Variants in ADGRB1 observed in about 807,000 individuals in gnomAD.
ADGRB1 encodes the protein adhesion G protein-coupled receptor B1.
ADGRB1 carries 36 observed loss-of-function variants against 175.7 expected under a neutral mutation model. The ratio of observed to expected loss-of-function variants is 0.20; its 90% CI spans 0.16 to 0.27. ADGRB1 has a LOEUF of 0.27. ADGRB1 is among the 10% of genes least tolerant of loss of function. ADGRB1 has a pLI of 1.00. For missense variants in ADGRB1, 1,731 were observed against 2,255.3 expected, an observed-to-expected ratio of 0.77 and a Z score of 4.71; for synonymous variants, 1,054 against 979.4, an observed-to-expected ratio of 1.08 and a Z score of -1.42.
chr8:142,460,804 C>A (rs971563335), intron 1 of ADGRB1, among the ~76,000 whole-genome samples: 4 of 152,180 alleles, frequency 2.6e-5, no homozygotes, highest in African/African-American at 9.6e-5. Context: ...GGGCCTCCCC[C>A]TTCCACCTCC....
Position 142,489,093 on chromosome 8 carries a change from C to T in ADGRB1, c.2511C>T (p.Ser837=), listed in dbSNP as rs1162928809. ...CCGTGCTCTACAGGAACCTGGGCAG[C>T]TTCCTGGCCCTGCAGAGGTGGGGAG... ...VGTVLYRNLG[S]FLALQRNTTV... is the part of the protein sequence containing the mutation. Residue 837 remains serine (S), a synonymous_variant, in exon 15 of 31, where the codon AGC becomes AGT. Transcript: ENST00000517894. The T allele has an allele frequency of 6.2e-7, 1 of 1,608,754 alleles. No individual in the cohort carries two copies.
intron 20 of ADGRB1, 54 bp from the exon 21 acceptor site, chr8:142,521,911 G>A: frequency 6.5e-7 from 1 of 1,536,478 alleles, no homozygotes; most frequent in Non-Finnish European, 8.7e-7. Context: ...AGTGGGGACA[G>A]GTGTGGGGCC....
In ADGRB1 at chr8:142,543,903, G is replaced by T. The variant is rs985026163; in HGVS notation, c.4557+195G>T. 6.6e-6 allele frequency among the ~76,000 whole-genome samples: 1 copy of T among 152,154 alleles called. No individual in the cohort carries two copies. Among genetic ancestry groups the T allele is most frequent in the African/African-American group, 2.4e-5 (1 of 41,436 alleles). On this transcript the variant is annotated intron_variant, in intron 30 of 30. Transcript: ENST00000517894. This position sits in a 1 kb window ranked among gnomAD's most constrained non-coding sequence, Gnocchi z 4.4. ...ACTCTGGAGGCCATGGCCATACTGG[G>T]AGCTGAGCGGTCACGAGCCTGCTCC...
At chr8:142,526,518 C>CAT in intron 23 of ADGRB1, 24 bp from the exon 24 acceptor site, 1 of 1,492,520 alleles carries the variant, frequency 6.7e-7, no homozygotes, top group Non-Finnish European at 9.2e-7. Context: ...CACCCCCACA[C>CAT]CCCCACCACT....
intron 17 of ADGRB1, among the ~76,000 whole-genome samples, chr8:142,502,659 G>A (rs1339123804): frequency 1.6e-5 from 1 of 63,592 alleles, no homozygotes; most frequent in Middle Eastern, 5.1e-3. Flanking sequence ...GGTGGTGATG[G>A]TGATGGTGGT....
intron 25 of ADGRB1, among the ~76,000 whole-genome samples, chr8:142,535,437 G>A (rs1844869187): frequency 6.6e-6 from 1 of 152,212 alleles, no homozygotes; most frequent in East Asian, 1.9e-4. Flanking sequence ...CTGTGTGTGG[G>A]CTCCGTGCTG....
chr8:142,467,332 G>A (rs932500803), intron 2 of ADGRB1, among the ~76,000 whole-genome samples: 2 of 152,230 alleles, frequency 1.3e-5, no homozygotes, highest in East Asian at 1.9e-4. Flanking sequence ...AGCCGGTGCC[G>A]GCATTCAGGA....
At position 142,533,573 on chromosome 8, in the gene ADGRB1, A is replaced by G. The variant is rs1233609675; in HGVS notation, c.3570+107A>G. 24 of 1,326,208 alleles carry G rather than the reference A, an allele frequency of 1.8e-5. No individual in the cohort carries two copies. In the East Asian group the frequency reaches 5.0e-4, roughly 28 times the overall value. The allele number at this position is 1,326,208 out of a possible 1,614,324, so 82.2% of individuals were successfully genotyped here. On this transcript the variant is annotated intron_variant, in intron 25 of 30. Coordinates refer to ENST00000517894, the MANE Select transcript of ADGRB1 (RefSeq NM_001702.3). ...CGGCAGGGAGATTGTGGGTAGGCGCAGCATCCATGACCCTGACACATCTGC... is the reference window on the plus strand; with the variant it reads ...CGGCAGGGAGATTGTGGGTAGGCGCGGCATCCATGACCCTGACACATCTGC...
chr8:142,492,641 G>A lies in ADGRB1; in HGVS notation c.2675+1826G>A, dbSNP rs1018171288. ...TGCCTTCTCTGCACCCCACATGGTG[G>A]ACTCTGCTATGTTTCCTGCCCTGGG... On this transcript the variant is annotated intron_variant, in intron 17 of 30. Coordinates refer to ENST00000517894, the MANE Select transcript of ADGRB1 (RefSeq NM_001702.3). The surrounding 1 kb of genome is among the most constrained non-coding windows in gnomAD (Gnocchi z 4.4). Among the ~76,000 whole-genome samples, 2 of 152,222 alleles carry A rather than the reference G, an allele frequency of 1.3e-5. No individual in the cohort carries two copies. Among genetic ancestry groups the A allele is most frequent in the African/African-American group, 4.8e-5 (2 of 41,446 alleles).
intron 1 of ADGRB1, among the ~76,000 whole-genome samples, chr8:142,454,757 C>A (rs563767020): frequency 6.6e-6 from 1 of 152,120 alleles, no homozygotes; most frequent in Non-Finnish European, 1.5e-5. Flanking sequence ...CGGCTCCGGA[C>A]GTCTCCACTC....
chr8:142,513,325 A>C (rs551315878), intron 18 of ADGRB1, among the ~76,000 whole-genome samples: 10 of 152,120 alleles, frequency 6.6e-5, no homozygotes, highest in Non-Finnish European at 1.3e-4. Context: ...GTGTGAGCTG[A>C]CAGTCAGAGT....
chr8:142,469,413 G>T (rs564704147), intron 2 of ADGRB1, among the ~76,000 whole-genome samples: 1 of 149,574 alleles, frequency 6.7e-6, no homozygotes, highest in African/African-American at 2.5e-5. Flanking sequence ...AGATGTGAAT[G>T]TGAGTGTGTG....
rs932844593 is a variant in ADGRB1 at position 142,476,517 on chromosome 8, C to T, written c.947-68C>T. 7.8e-5 allele frequency: 111 copies of T among 1,422,948 alleles called. 1 individual carries two copies. The highest frequency in any genetic ancestry group is 1.0e-4 in the Non-Finnish European group (106 of 1,035,338). The allele number at this position is 1,422,948 out of a possible 1,614,324, so 88.1% of individuals were successfully genotyped here. The stretch of plus-strand genomic sequence containing the variant: ...GCCCAGTGCTGCCGAACTCAGAGCA[C>T]TGTGGCCACAGAGAGAGAGGACGGG... On this transcript the variant is annotated intron_variant, in intron 3 of 30. Transcript: ENST00000517894.
chr8:142,509,343 A>G (rs1031475490), intron 17 of ADGRB1, among the ~76,000 whole-genome samples: 26 of 151,962 alleles, frequency 1.7e-4, no homozygotes, highest in Non-Finnish European at 2.8e-4. Context: ...AAGAGGTGGT[A>G]TAGGTAACTT....
chr8:142,497,219 C>T (rs905487273), intron 17 of ADGRB1, among the ~76,000 whole-genome samples: 1 of 152,266 alleles, frequency 6.6e-6, no homozygotes, highest in African/African-American at 2.4e-5. Flanking sequence ...AGCCCTGCCT[C>T]CTGTGGGGCC....
Position 142,474,690 on chromosome 8 carries a change from G to A in ADGRB1, c.785-784G>A, listed in dbSNP as rs1482017762. 6.6e-6 allele frequency among the ~76,000 whole-genome samples: 1 copy of A among 152,184 alleles called. No individual in the cohort carries two copies. The highest frequency in any genetic ancestry group is 1.5e-5 in the Non-Finnish European group (1 of 68,036). The stretch of plus-strand genomic sequence containing the variant: ...ACTCCTGGGGCGTGAGGTCTGGTTT[G>A]CTAGGGGAACACAGGTCCATGAAGG... On this transcript the variant is annotated intron_variant, in intron 2 of 30. Coordinates refer to ENST00000517894, the MANE Select transcript of ADGRB1 (RefSeq NM_001702.3). This position sits in a 1 kb window ranked among gnomAD's most constrained non-coding sequence, Gnocchi z 5.8.
chr8:142,487,933 T>G (rs980634795), intron 13 of ADGRB1, among the ~76,000 whole-genome samples: 2 of 152,118 alleles, frequency 1.3e-5, no homozygotes. Flanking sequence ...CGGGATCAGC[T>G]CACAGAGCTG....
rs1051519897 is a variant in ADGRB1, at chr8:142,493,790, G to A, written c.2675+2975G>A. ...GGGCGGGCCACGGCTGGCAGGGAAG[G>A]ACTGGGACTGACCTCGGTCCCCTTC... On this transcript the variant is annotated intron_variant, in intron 17 of 30. Transcript: ENST00000517894. This position sits in a 1 kb window ranked among gnomAD's most constrained non-coding sequence, Gnocchi z 5.0. Among the ~76,000 whole-genome samples, 3 of 152,232 alleles carry A rather than the reference G, an allele frequency of 2.0e-5. No individual in the cohort carries two copies. The highest frequency in any genetic ancestry group is 1.3e-4 in the Admixed American group (2 of 15,288).
At chr8:142,468,145 ATACATGTG>A (rs1840382573) in intron 2 of ADGRB1, among the ~76,000 whole-genome samples, 1 of 152,152 alleles carries the variant, frequency 6.6e-6, no homozygotes, top group African/African-American at 2.4e-5. Context: ...CATGCATGGC[ATACATGTG>A]TGCATATGTG....
Sources: gnomAD v4.1 joint callset for allele counts (sites outside exome capture counted in the v4.1 genomes callset) on GRCh38, gnomAD v4.1.1 for gene constraint, Gnocchi (gnomAD v3.1) non-coding constraint, MANE v1.5 for transcripts, NCBI Gene and HGNC (gene_info 2026-07-23, HGNC 2026-07-21) for gene names.